The following KCND1 variants were observed in gnomAD, a reference collection of about 807,000 sequenced individuals.
The protein encoded by KCND1 is A-type voltage-gated potassium channel KCND1.
Under a neutral mutation model 31.8 loss-of-function variants are expected in KCND1, and 11 were observed. The ratio of observed to expected loss-of-function variants is 0.35; its 90% confidence interval spans 0.22 to 0.57. The LOEUF is 0.57. KCND1 is among the 20% of genes least tolerant of loss of function. KCND1 has a pLI of 0.85. For missense variants in KCND1, 471 were observed against 596.8 expected, an observed-to-expected ratio of 0.79 and a Z score of 2.20; for synonymous variants, 234 against 248.1, an observed-to-expected ratio of 0.94 and a Z score of 0.53.
chrX:48,970,293 G>A lies in KCND1; in HGVS notation c.-22C>T. On this transcript the variant is annotated 5_prime_UTR_variant, in exon 1 of 6. Transcript: ENST00000218176. ...CCATCGTGCCACTCCCCAAGCCCAGGGAGACTTAGTGAGGGTGGCGTTTAG... is the reference window on the plus strand; with the variant it reads ...CCATCGTGCCACTCCCCAAGCCCAGAGAGACTTAGTGAGGGTGGCGTTTAG... The A allele has an allele frequency of 1.7e-6, 2 of 1,181,371 alleles. No individual in the cohort carries two copies. Among genetic ancestry groups the A allele is most frequent in the Non-Finnish European group, 2.3e-6 (2 of 880,871 alleles).
rs2053795683 is a variant in KCND1 at position 48,969,240 on chromosome X, C to A, written c.1032G>T (p.Met344Ile). ...TMAIIIFATV[M>I]FYAEKGTNKT... ...TGTTTGTGCCCTTCTCAGCATAAAA[C>A]ATGACAGTGGCAAAGATGATGATGG... The change falls in exon 1 of 6, where the codon ATG becomes ATT. Residue 344 changes from methionine to isoleucine, a missense_variant. Transcript: ENST00000218176. 2 of 1,210,650 alleles carry A rather than the reference C, an allele frequency of 1.7e-6. No individual in the cohort carries two copies. Among genetic ancestry groups the A allele is most frequent in the African/African-American group, 1.7e-5 (1 of 57,705 alleles).
In KCND1 at chrX:48,969,989, G is replaced by C; in HGVS notation, c.283C>G (p.Leu95Val). The change falls in exon 1 of 6, where the codon CTG (leucine) becomes GTG (valine). Residue 95 changes from leucine (L) to valine (V), a missense_variant. Physicochemically the swap from Leu to Val is conservative, Grantham distance 32 (BLOSUM62 1). This residue lies in a region of KCND1 where 212 missense variants were observed against 257.9 expected (regional missense o/e 0.82). Transcript: ENST00000218176. Reference sequence around the variant, plus strand: ...AGCCGCCCCGTTCGGTAGAAGTTCAGCACATGGCGGAACATGTCAGGGTCG... The same window carrying C: ...AGCCGCCCCGTTCGGTAGAAGTTCACCACATGGCGGAACATGTCAGGGTCG... ...DRDPDMFRHV[L>V]NFYRTGRLHC... 4.1e-6 allele frequency: 5 copies of C among 1,211,758 alleles called. No individual in the cohort carries two copies. Among genetic ancestry groups the C allele is most frequent in the Non-Finnish European group, 5.6e-6 (5 of 895,335 alleles).
At chrX:48,963,138 CAA>C (rs1318796444) in intron 5 of KCND1, among the ~76,000 whole-genome samples, 3 of 48,187 alleles carry the variant, frequency 6.2e-5, no homozygotes, top group African/African-American at 8.1e-5. Context: ...TCTGTCTCAA[CAA>C]AAAAAAAAAA....
rs1226825604 is a variant in KCND1, at chrX:48,962,760, A to G, written c.1765T>C (p.Cys589Arg). 1 of 1,208,765 alleles carries G rather than the reference A, an allele frequency of 8.3e-7. No homozygotes were observed. Among genetic ancestry groups the G allele is most frequent in the Non-Finnish European group, 1.1e-6 (1 of 894,778 alleles). ...AKPHDSLDLN[C>R]DSRDFVAAII... ...GCAGCCACGAAGTCCCGGCTGTCGC[A>G]GTTCAGGTCAAGGCTGTCATGGGGC... Residue 589 changes from cysteine (C) to arginine (R), a missense_variant, in exon 6 of 6, where the codon TGC becomes CGC. This residue lies in a region of KCND1 where 185 missense variants were observed against 184.7 expected (regional missense o/e 1.00). Coordinates refer to ENST00000218176, the MANE Select transcript of KCND1 (RefSeq NM_004979.6).
chrX:48,962,494 C>T lies in KCND1; in HGVS notation c.*87G>A. ...GGGGGGGGCAGAAGGGGTGCCCAAG[C>T]CTGCCCCTCTCTGCCTCCCAAAAAT... On this transcript the variant is annotated 3_prime_UTR_variant, in exon 6 of 6. Coordinates refer to ENST00000218176, the MANE Select transcript of KCND1 (RefSeq NM_004979.6). 1.5e-6 allele frequency: 1 copy of T among 676,051 alleles called. No homozygotes were observed. Among genetic ancestry groups the T allele is most frequent in the Non-Finnish European group, 2.3e-6 (1 of 444,374 alleles). The allele number at this position is 676,051 out of a possible 1,213,427, so 55.7% of individuals were successfully genotyped here.
Position 48,969,871 on chromosome X carries a change from TCAA to T in KCND1, c.398_400del (p.Leu133_Glu134delinsGln). On this transcript the variant is annotated inframe_deletion, in exon 1 of 6. Transcript: ENST00000218176. ...CTCCTTCTTTCGGTCCCGATACTCT[TCAA>T]GGCAGCAGTCACCGACTAGCTCGGG... The T allele has an allele frequency of 8.3e-7, 1 of 1,211,470 alleles. No homozygotes were observed.
At chrX:48,967,363 A>G (rs2064360103) in intron 1 of KCND1, 2 of 343,506 alleles carry the variant, frequency 5.8e-6, no homozygotes, top group Non-Finnish European at 1.0e-5. Flanking sequence ...TATGAAAACC[A>G]AGCAGAGGGG....
Position 48,970,533 on chromosome X carries a change from A to C in KCND1, c.-262T>G. On this transcript the variant is annotated 5_prime_UTR_variant, in exon 1 of 6. Transcript: ENST00000218176. Reference sequence around the variant, plus strand: ...CTTGGGGACATGGAGAAGAGCAGAAAAGGGGTGTGGGGATGGGGCCAAGAA... The same window carrying C: ...CTTGGGGACATGGAGAAGAGCAGAACAGGGGTGTGGGGATGGGGCCAAGAA... 3 of 339,885 alleles carry C rather than the reference A, an allele frequency of 8.8e-6. No individual in the cohort carries two copies. The highest frequency in any genetic ancestry group is 1.0e-5 in the Non-Finnish European group (2 of 197,660). 28.0% of individuals were successfully genotyped at this position (339,885 alleles called of 1,213,427 possible).
chrX:48,962,546 A>T lies in KCND1; in HGVS notation c.*35T>A. The T allele has an allele frequency of 1.8e-6, 2 of 1,087,942 alleles. No homozygotes were observed. The highest frequency in any genetic ancestry group is 3.1e-5 in the East Asian group (1 of 32,032). The allele number at this position is 1,087,942 out of a possible 1,213,427, so 89.7% of individuals were successfully genotyped here. A position where few individuals can be genotyped will look rare whatever the true frequency, so the allele number is the denominator to read the frequency against. On this transcript the variant is annotated 3_prime_UTR_variant, in exon 6 of 6. Coordinates refer to ENST00000218176, the MANE Select transcript of KCND1 (RefSeq NM_004979.6). ...TGGCTTTGGAAAGGAGTTCCCAAAA[A>T]TGAAGAGGACCCTCTGAATCAGCAG...
rs2064329674 is a variant in KCND1 at position 48,962,748 on chromosome X, C to T, written c.1777G>A (p.Asp593Asn). The T allele has an allele frequency of 1.7e-6, 2 of 1,210,681 alleles. No homozygotes were observed. The highest frequency in any genetic ancestry group is 3.5e-5 in the African/African-American group (2 of 57,631). Residue 593 changes from aspartate to asparagine, a missense_variant, in exon 6 of 6, where the codon GAC becomes AAC. This residue lies in a region of KCND1 where 185 missense variants were observed against 184.7 expected (regional missense o/e 1.00). Transcript: ENST00000218176. ...ATGCTGATAATGGCAGCCACGAAGT[C>T]CCGGCTGTCGCAGTTCAGGTCAAGG... is the stretch of plus-strand genomic sequence containing the variant. ...DSLDLNCDSR[D>N]FVAAIISIPT...
At chrX:48,962,910 G>C in intron 5 of KCND1, 104 bp from the exon 6 acceptor site, 1 of 631,731 alleles carries the variant, frequency 1.6e-6, no homozygotes. Flanking sequence ...GCCGAGGTGA[G>C]TGGATCATCT....
chrX:48,964,509 C>T (rs2064340079), intron 5 of KCND1, among the ~76,000 whole-genome samples: 1 of 107,922 alleles, frequency 9.3e-6, no homozygotes, highest in South Asian at 4.0e-4. Flanking sequence ...GAGCAGGACT[C>T]TGTCTCAAAA....
At position 48,970,223 on chromosome X, in the gene KCND1, C is replaced by T. The variant is rs1557058761; in HGVS notation, c.49G>A (p.Val17Met). 1.7e-6 allele frequency: 2 copies of T among 1,205,644 alleles called. No individual in the cohort carries two copies. The highest frequency in any genetic ancestry group is 4.4e-5 in the Admixed American group (2 of 45,155). The part of the protein sequence containing the change: ...TWLPFARAAA[V>M]GWLPLAQQPL... Reference sequence around the variant, plus strand: ...TGCTGGGCCAGGGGCAGCCAGCCCACTGCTGCTGCCCGAGCAAAAGGCAGC... The same window carrying T: ...TGCTGGGCCAGGGGCAGCCAGCCCATTGCTGCTGCCCGAGCAAAAGGCAGC... The change falls in exon 1 of 6, where the codon GTG becomes ATG. Residue 17 changes from valine (V) to methionine (M), a missense_variant. Physicochemically the swap from Val to Met is conservative, Grantham distance 21 (BLOSUM62 1). Transcript: ENST00000218176.
At chrX:48,963,324 G>A (rs1208868197) in intron 5 of KCND1, among the ~76,000 whole-genome samples, 1 of 107,161 alleles carries the variant, frequency 9.3e-6, no homozygotes, top group Non-Finnish European at 1.9e-5. Context: ...GCAGGCACCT[G>A]TAGTCCCAGC....
At position 48,966,258 on chromosome X, in the gene KCND1, G is replaced by A. The variant is rs782059237; in HGVS notation, c.1515C>T (p.Ala505=). The stretch of plus-strand genomic sequence containing the variant: ...GGCTGGTGCGGCCACCCGGCGAGAC[G>A]GCTCCCAGGGCTTCACTGAAGGTGA... ...DELTFSEALG[A]VSPGGRTSRS... Residue 505 remains alanine, a synonymous_variant, in exon 5 of 6, where the codon GCC becomes GCT. Coordinates refer to ENST00000218176, the MANE Select transcript of KCND1 (RefSeq NM_004979.6). 41 of 1,192,064 alleles carry A rather than the reference G, an allele frequency of 3.4e-5. No individual in the cohort carries two copies. In the South Asian group the frequency reaches 7.2e-4, roughly 21 times the overall value.
chrX:48,967,532 T>G, intron 1 of KCND1: 1 of 126,127 alleles, frequency 7.9e-6, no homozygotes, highest in Non-Finnish European at 1.6e-5. Flanking sequence ...CATTCCCCTA[T>G]AGGGGAATCC....
chrX:48,970,286 A>G lies in KCND1; in HGVS notation c.-15T>C, dbSNP rs1557058786. 1.7e-6 allele frequency: 2 copies of G among 1,183,404 alleles called. No homozygotes were observed. The highest frequency in any genetic ancestry group is 2.5e-5 in the Admixed American group (1 of 40,054). On this transcript the variant is annotated 5_prime_UTR_variant, in exon 1 of 6. Coordinates refer to ENST00000218176, the MANE Select transcript of KCND1 (RefSeq NM_004979.6). The stretch of plus-strand genomic sequence containing the variant: ...CCTGCCGCCATCGTGCCACTCCCCA[A>G]GCCCAGGGAGACTTAGTGAGGGTGG...
chrX:48,966,628 C>A lies in KCND1; in HGVS notation c.1417G>T (p.Ala473Ser). The part of the protein sequence containing the change: ...EQALCVRNRS[A>S]FEQQHHHLLH... Reference sequence around the variant, plus strand: ...AAGTGGTGATGTTGCTGTTCAAAGGCAGAACGGTTCCTGACACAAAGAGCC... The same window carrying A: ...AAGTGGTGATGTTGCTGTTCAAAGGAAGAACGGTTCCTGACACAAAGAGCC... Residue 473 changes from alanine to serine, a missense_variant, in exon 4 of 6, where the codon GCC becomes TCC. Coordinates refer to ENST00000218176, the MANE Select transcript of KCND1 (RefSeq NM_004979.6). The A allele has an allele frequency of 8.3e-7, 1 of 1,210,279 alleles. No homozygotes were observed. Among genetic ancestry groups the A allele is most frequent in the South Asian group, 1.8e-5 (1 of 56,656 alleles).
In KCND1 at chrX:48,962,589, A is replaced by G. The variant is rs938975437; in HGVS notation, c.1936T>C (p.Ser646Pro). The change falls in exon 6 of 6, where the codon TCC becomes CCC. Residue 646 changes from serine to proline, a missense_variant. Ser to Pro is a moderately conservative substitution (Grantham distance 74). Coordinates refer to ENST00000218176, the MANE Select transcript of KCND1 (RefSeq NM_004979.6). ...CLFPETVKIS[S>P]L ...ATCAGCAGGCCTACCCCTCACAGGG[A>G]TGAGATCTTGACAGTCTCGGGGAAG... 1 of 1,199,668 alleles carries G rather than the reference A, an allele frequency of 8.3e-7. No individual in the cohort carries two copies. Among genetic ancestry groups the G allele is most frequent in the African/African-American group, 1.7e-5 (1 of 57,541 alleles).
Sources: gnomAD v4.1 joint callset for allele counts (sites outside exome capture counted in the v4.1 genomes callset) on GRCh38, gnomAD v4.1.1 for gene constraint, gnomAD v4.1.1 regional missense constraint, MANE v1.5 for transcripts, NCBI Gene and HGNC (gene_info 2026-07-23, HGNC 2026-07-21) for gene names.